MARK2: variants seen among roughly 807,000 people sequenced by gnomAD.
The protein encoded by MARK2 is microtubule affinity regulating kinase 2.
In MARK2, 16 loss-of-function variants were observed where a neutral mutation model predicts 89.8. The observed-to-expected ratio is 0.18, with a 90% confidence interval of 0.12 to 0.27. The LOEUF is 0.27. MARK2 is among the 10% of genes least tolerant of loss of function. The pLI, the probability that MARK2 is intolerant of heterozygous loss-of-function variation, is 1.00. For missense variants in MARK2, 621 were observed against 1,049.9 expected (o/e 0.59, Z 5.65); for synonymous variants, 382 against 399.5 (o/e 0.96, Z 0.52).
At chr11:63,886,065 G>A (rs1158700859) in intron 1 of MARK2, among the ~76,000 whole-genome samples, 9 of 151,788 alleles carry the variant, frequency 5.9e-5, no homozygotes, top group Admixed American at 5.9e-4. Context: ...GGAAGCAGAG[G>A]TTGCGGTGAG....
At chr11:63,862,916 T>C (rs771144003) in intron 1 of MARK2, among the ~76,000 whole-genome samples, 1 of 152,120 alleles carries the variant, frequency 6.6e-6, no homozygotes, top group Non-Finnish European at 1.5e-5. Flanking sequence ...GGATCTTAAC[T>C]GTGTATATTT....
At chr11:63,843,717 C>T (rs369318700) in intron 1 of MARK2, among the ~76,000 whole-genome samples, 1 of 151,900 alleles carries the variant, frequency 6.6e-6, no homozygotes, top group Non-Finnish European at 1.5e-5. Context: ...CTCCGCCTCC[C>T]GGGTCAAGCG....
chr11:63,903,794 C>T lies in MARK2; in HGVS notation c.1515-192C>T, dbSNP rs778977990. ...GGCACTGACCCACCTCGCTGCTTCCCGACCTCACTCACCTCCACTTCTCAG... is the reference window on the plus strand; with the variant it reads ...GGCACTGACCCACCTCGCTGCTTCCTGACCTCACTCACCTCCACTTCTCAG... On this transcript the variant is annotated intron_variant, in intron 14 of 18. Transcript: ENST00000402010. The surrounding 1 kb of genome is among the most constrained non-coding windows in gnomAD (Gnocchi z 5.1). Among the ~76,000 whole-genome samples the T allele has an allele frequency of 6.6e-6, 1 of 152,056 alleles. No individual in the cohort carries two copies. The highest frequency in any genetic ancestry group is 1.5e-5 in the Non-Finnish European group (1 of 67,990).
Position 63,909,423 on chromosome 11 carries a change from CA to C in MARK2, c.*187del. The C allele has an allele frequency of 1.7e-6, 1 of 593,902 alleles. No individual in the cohort carries two copies. Among genetic ancestry groups the C allele is most frequent in the Non-Finnish European group, 2.8e-6 (1 of 359,916 alleles). The allele number at this position is 593,902 out of a possible 1,614,324, so 36.8% of individuals were successfully genotyped here. On this transcript the variant is annotated 3_prime_UTR_variant, in exon 19 of 19. Transcript: ENST00000402010. Reference sequence around the variant, plus strand: ...TGGGGGGTGGGAGATTGTTCTCCAGCACCCCACATTCACCCCTGCCCAGAGA... The same window carrying C: ...TGGGGGGTGGGAGATTGTTCTCCAGCCCCCACATTCACCCCTGCCCAGAGA...
rs1339761212 is a variant in MARK2, at chr11:63,904,327, T to G, written c.1676+180T>G. Among the ~76,000 whole-genome samples the G allele has an allele frequency of 3.3e-5, 5 of 152,152 alleles. No homozygotes were observed. Among genetic ancestry groups the G allele is most frequent in the Admixed American group, 2.6e-4 (4 of 15,278 alleles). ...GAACAAAAAAGAGCATTAATGCCCC[T>G]CTTTTCCAGTTCTCCCTCTCAGAAC... On this transcript the variant is annotated intron_variant, in intron 15 of 18. Coordinates refer to ENST00000402010, the MANE Select transcript of MARK2 (RefSeq NM_001039469.3). This position sits in a 1 kb window ranked among gnomAD's most constrained non-coding sequence, Gnocchi z 6.3.
At chr11:63,865,840 G>C (rs1412499357) in intron 1 of MARK2, among the ~76,000 whole-genome samples, 1 of 152,196 alleles carries the variant, frequency 6.6e-6, no homozygotes. Flanking sequence ...ATGAAGTTCT[G>C]TGTAGGGATT....
At chr11:63,883,137 C>CCA (rs1406527069) in intron 1 of MARK2, among the ~76,000 whole-genome samples, 1 of 152,148 alleles carries the variant, frequency 6.6e-6, no homozygotes, top group East Asian at 1.9e-4. Context: ...CCATGTGGTA[C>CCA]TGGTATGTCG....
intron 17 of MARK2, 31 bp downstream of exon 17, chr11:63,906,145 G>A (rs1389996052): frequency 3.1e-6 from 4 of 1,297,224 alleles, no homozygotes; most frequent in Non-Finnish European, 3.9e-6. Context: ...GTGTGTGTGT[G>A]TGTGTGTGTG....
chr11:63,843,288 G>T (rs1358653803), intron 1 of MARK2, among the ~76,000 whole-genome samples: 2 of 152,188 alleles, frequency 1.3e-5, no homozygotes, highest in African/African-American at 4.8e-5. Flanking sequence ...CCTGGAGAAA[G>T]GTCCAGCTTC....
At position 63,903,913 on chromosome 11, in the gene MARK2, C is replaced by T; in HGVS notation, c.1515-73C>T. 2 of 1,368,226 alleles carry T rather than the reference C, an allele frequency of 1.5e-6. No homozygotes were observed. The highest frequency in any genetic ancestry group is 1.5e-5 in the African/African-American group (1 of 68,404). 84.8% of individuals were successfully genotyped at this position (1,368,226 alleles called of 1,614,324 possible). A position where few individuals can be genotyped will look rare whatever the true frequency, so the allele number is the denominator to read the frequency against. On this transcript the variant is annotated intron_variant, in intron 14 of 18. Coordinates refer to ENST00000402010, the MANE Select transcript of MARK2 (RefSeq NM_001039469.3). The surrounding 1 kb of genome is among the most constrained non-coding windows in gnomAD (Gnocchi z 5.1). ...CCCCAGCTCTGGCCCTTCCCCTGCCCTTGCTTCCTAATCCAGGCCTCCCGC... is the reference window on the plus strand; with the variant it reads ...CCCCAGCTCTGGCCCTTCCCCTGCCTTTGCTTCCTAATCCAGGCCTCCCGC...
rs1038715704 is a variant in MARK2, at chr11:63,856,964, A to G, written c.54+17404A>G. Among the ~76,000 whole-genome samples the G allele has an allele frequency of 6.0e-5, 9 of 148,768 alleles. 1 individual carries two copies. Among genetic ancestry groups the G allele is most frequent in the African/African-American group, 2.2e-4 (9 of 40,444 alleles). On this transcript the variant is annotated intron_variant, in intron 1 of 18. Coordinates refer to ENST00000402010, the MANE Select transcript of MARK2 (RefSeq NM_001039469.3). ...CTGGGAGGGACTACAGGCGCCCCCCACCATGCCCGGCTAATTTTTTGTATT... is the reference window on the plus strand; with the variant it reads ...CTGGGAGGGACTACAGGCGCCCCCCGCCATGCCCGGCTAATTTTTTGTATT...
chr11:63,902,854 A>T lies in MARK2; in HGVS notation c.1416+72A>T. 9 of 1,319,774 alleles carry T rather than the reference A, an allele frequency of 6.8e-6. No individual in the cohort carries two copies. Among genetic ancestry groups the T allele is most frequent in the African/African-American group, 4.4e-5 (3 of 68,880 alleles). 81.8% of individuals were successfully genotyped at this position (1,319,774 alleles called of 1,614,324 possible). On this transcript the variant is annotated intron_variant, in intron 13 of 18. Coordinates refer to ENST00000402010, the MANE Select transcript of MARK2 (RefSeq NM_001039469.3). This position sits in a 1 kb window ranked among gnomAD's most constrained non-coding sequence, Gnocchi z 4.2. Reference sequence around the variant, plus strand: ...GCCCTCTCCAGGCAGCTCTTCTCTTAATTCAGACTCTGTTCCCTTTGGCTA... The same window carrying T: ...GCCCTCTCCAGGCAGCTCTTCTCTTTATTCAGACTCTGTTCCCTTTGGCTA...
chr11:63,859,922 A>T (rs1187613418), intron 1 of MARK2, among the ~76,000 whole-genome samples: 2 of 152,246 alleles, frequency 1.3e-5, no homozygotes, highest in Admixed American at 6.5e-5. Context: ...GAGCCACCAC[A>T]TCCGGCCTCT....
intron 1 of MARK2, among the ~76,000 whole-genome samples, chr11:63,840,842 A>G (rs1565088831): frequency 6.6e-6 from 1 of 152,114 alleles, no homozygotes; most frequent in Non-Finnish European, 1.5e-5. Context: ...TCACGACTCT[A>G]CACGGTCCCC....
At chr11:63,846,746 C>T (rs2016302024) in intron 1 of MARK2, among the ~76,000 whole-genome samples, 1 of 151,758 alleles carries the variant, frequency 6.6e-6, no homozygotes, top group East Asian at 1.9e-4. Flanking sequence ...AGGTCCGCCT[C>T]CCGGATTCAC....
intron 1 of MARK2, among the ~76,000 whole-genome samples, chr11:63,867,072 G>A (rs1006575247): frequency 1.3e-5 from 2 of 152,170 alleles, no homozygotes; most frequent in Admixed American, 1.3e-4. Flanking sequence ...TCTCACCCAG[G>A]CTGGAGTGCA....
intron 1 of MARK2, among the ~76,000 whole-genome samples, chr11:63,894,662 C>T (rs1168218893): frequency 6.6e-6 from 1 of 152,178 alleles, no homozygotes; most frequent in Non-Finnish European, 1.5e-5. Flanking sequence ...CACCATTGCA[C>T]TCCAGCCTGG....
At chr11:63,852,424 C>T (rs1244052796) in intron 1 of MARK2, among the ~76,000 whole-genome samples, 1 of 152,024 alleles carries the variant, frequency 6.6e-6, no homozygotes, top group Non-Finnish European at 1.5e-5. Flanking sequence ...CTTGTAAAAA[C>T]TTTTGGGAAA....
chr11:63,890,253 T>G, intron 1 of MARK2: 2 of 1,344,274 alleles, frequency 1.5e-6, no homozygotes, highest in Non-Finnish European at 2.0e-6. Context: ...CTCACATCCC[T>G]GCTGTGGGAA....
Sources: gnomAD v4.1 joint callset for allele counts (sites outside exome capture counted in the v4.1 genomes callset) on GRCh38, gnomAD v4.1.1 for gene constraint, Gnocchi (gnomAD v3.1) non-coding constraint, MANE v1.5 for transcripts, NCBI Gene and HGNC (gene_info 2026-07-23, HGNC 2026-07-21) for gene names.